The following ARFGAP3 variants were observed in gnomAD, a reference collection of about 807,000 sequenced individuals.
ARFGAP3 encodes ADP-ribosylation factor GTPase-activating protein 3.
A neutral mutation model predicts 75.0 loss-of-function variants in ARFGAP3; 72 were observed. The observed-to-expected ratio is 0.96, with a 90% CI of 0.79 to 1.17. ARFGAP3 has a LOEUF of 1.17. ARFGAP3 is among the 50% of genes most tolerant of loss of function. The pLI, the probability that ARFGAP3 is intolerant of heterozygous loss-of-function variation, is 0.00. For missense variants in ARFGAP3, 620 were observed against 626.6 expected (o/e 0.99, Z 0.11); for synonymous variants, 221 against 217.9 (o/e 1.01, Z -0.13).
At chr22:42,807,296 C>T in intron 13 of ARFGAP3, 133 bp from the exon 14 acceptor site, 1 of 1,443,970 alleles carries the variant, frequency 6.9e-7, no homozygotes, top group Non-Finnish European at 9.1e-7. Context: ...TACTGAATGC[C>T]ACTGCCAAGG....
rs780077788 is a variant in ARFGAP3 at position 42,810,909 on chromosome 22, G to C, written c.1100C>G (p.Ser367Cys). 2.5e-6 allele frequency: 4 copies of C among 1,614,070 alleles called. No individual in the cohort carries two copies. Among genetic ancestry groups the C allele is most frequent in the Non-Finnish European group, 3.4e-6 (4 of 1,180,032 alleles). ...FDEPVELRSS[S>C]FSSWDDSSDS... Reference sequence around the variant, plus strand: ...TGAACTGTCATCCCAGCTAGAGAAAGAACTGCTCCTTAACTCCACTGGCTC... The same window carrying C: ...TGAACTGTCATCCCAGCTAGAGAAACAACTGCTCCTTAACTCCACTGGCTC... The change falls in exon 12 of 16, where the codon TCT becomes TGT. Residue 367 changes from serine to cysteine, a missense_variant. Coordinates refer to ENST00000263245, the MANE Select transcript of ARFGAP3 (RefSeq NM_014570.5).
intron 11 of ARFGAP3, among the ~76,000 whole-genome samples, chr22:42,811,328 G>C (rs1925358804): frequency 6.6e-6 from 1 of 152,210 alleles, no homozygotes; most frequent in Admixed American, 6.5e-5. Context: ...TTCAGCCCTT[G>C]AGATCTGGGG....
intron 12 of ARFGAP3, 107 bp downstream of exon 12, chr22:42,810,706 G>T: frequency 1.1e-6 from 1 of 930,260 alleles, no homozygotes; most frequent in Non-Finnish European, 1.7e-6. Flanking sequence ...GGAATGAGCC[G>T]CCGTGCCCAG....
intron 7 of ARFGAP3, among the ~76,000 whole-genome samples, chr22:42,824,532 T>C (rs923240500): frequency 1.8e-4 from 27 of 150,940 alleles, no homozygotes; most frequent in Middle Eastern, 6.8e-3. Flanking sequence ...TTCTTTCTTT[T>C]TTTTTTTTTT....
intron 11 of ARFGAP3, among the ~76,000 whole-genome samples, chr22:42,814,706 C>T (rs987300529): frequency 3.9e-5 from 6 of 152,148 alleles, no homozygotes; most frequent in African/African-American, 1.4e-4. Context: ...CTTACCAACC[C>T]GGCTACCAAG....
At chr22:42,831,428 T>A (rs1288066358) in intron 6 of ARFGAP3, 121 bp downstream of exon 6, 13 of 962,044 alleles carry the variant, frequency 1.4e-5, no homozygotes, top group Non-Finnish European at 1.8e-5. Flanking sequence ...CGCCTCAGCC[T>A]CGCAAAGTGC....
chr22:42,812,681 G>A (rs1925420490), intron 11 of ARFGAP3, among the ~76,000 whole-genome samples: 1 of 152,180 alleles, frequency 6.6e-6, no homozygotes, highest in South Asian at 2.1e-4. Context: ...ACAAAAAAGG[G>A]ACAGAGGATA....
At position 42,831,341 on chromosome 22, in the gene ARFGAP3, GTT is replaced by G. The variant is rs150841532; in HGVS notation, c.565+206_565+207del. ...TACATTTTAATATTTTTAGGTTTCA[GTT>G]TTTTTTTTTTTTGATAGAGATGGGG... is the stretch of plus-strand genomic sequence containing the variant. On this transcript the variant is annotated intron_variant, in intron 6 of 15. Transcript: ENST00000263245. Among the ~76,000 whole-genome samples the G allele has an allele frequency of 6.7e-4, 94 of 140,900 alleles. No individual in the cohort carries two copies. In the Middle Eastern group the frequency reaches 0.011, roughly 16 times the overall value. The allele number at this position is 140,900 out of a possible 152,430, so 92.4% of individuals were successfully genotyped here.
intron 6 of ARFGAP3, among the ~76,000 whole-genome samples, chr22:42,828,156 C>T (rs1437454091): frequency 6.6e-6 from 1 of 151,992 alleles, no homozygotes; most frequent in Non-Finnish European, 1.5e-5. Context: ...GGTGTGGTGG[C>T]TCACGCCTGT....
rs1924652291 is a variant in ARFGAP3, at chr22:42,797,472, T to A, written c.*116A>T. 4 of 1,331,250 alleles carry A rather than the reference T, an allele frequency of 3.0e-6. No homozygotes were observed. The highest frequency in any genetic ancestry group is 4.3e-6 in the Non-Finnish European group (4 of 930,656). 82.5% of individuals were successfully genotyped at this position (1,331,250 alleles called of 1,614,324 possible). A position where few individuals can be genotyped will look rare whatever the true frequency, so the allele number is the denominator to read the frequency against. On this transcript the variant is annotated 3_prime_UTR_variant, in exon 16 of 16. Transcript: ENST00000263245. ...TTAAAAATCAGAAACATATACCATA[T>A]GAAAAAGTAGCAAAACAATCTGCAA... is the stretch of plus-strand genomic sequence containing the variant.
Position 42,834,152 on chromosome 22 carries a change from C to T in ARFGAP3, c.477+90G>A, listed in dbSNP as rs535885245. The stretch of plus-strand genomic sequence containing the variant: ...GTTTCAGCACTTCTTGTTACAAGAG[C>T]TTAGCCTACATCCTAACATTTTAAA... On this transcript the variant is annotated intron_variant, in intron 5 of 15. Transcript: ENST00000263245. 1.8e-4 allele frequency: 213 copies of T among 1,208,260 alleles called. 2 individuals are homozygous for T. In the South Asian group the frequency reaches 2.6e-3, roughly 15 times the overall value. The allele number at this position is 1,208,260 out of a possible 1,614,324, so 74.8% of individuals were successfully genotyped here.
intron 1 of ARFGAP3, among the ~76,000 whole-genome samples, chr22:42,852,139 C>G (rs1022132797): frequency 6.6e-6 from 1 of 151,624 alleles, no homozygotes; most frequent in Non-Finnish European, 1.5e-5. Flanking sequence ...ACTTCAACCT[C>G]TGCCTCCCGA....
intron 10 of ARFGAP3, 40 bp downstream of exon 10, chr22:42,817,689 C>G: frequency 6.7e-7 from 1 of 1,499,576 alleles, no homozygotes. Flanking sequence ...GATTGACACA[C>G]TGTTTTAAAT....
chr22:42,840,601 T>A (rs1033893557), intron 3 of ARFGAP3, among the ~76,000 whole-genome samples: 30 of 151,892 alleles, frequency 2.0e-4, no homozygotes, highest in East Asian at 5.8e-4. Flanking sequence ...TATTATTATT[T>A]TTTTTTTAGT....
intron 1 of ARFGAP3, among the ~76,000 whole-genome samples, chr22:42,848,190 C>A (rs1288267550): frequency 6.6e-6 from 1 of 151,440 alleles, no homozygotes; most frequent in Middle Eastern, 3.2e-3. Flanking sequence ...CAGTATATTA[C>A]AGATTATGTT....
At chr22:42,846,557 C>T (rs913132551) in intron 2 of ARFGAP3, among the ~76,000 whole-genome samples, 3 of 152,196 alleles carry the variant, frequency 2.0e-5, no homozygotes, top group Admixed American at 6.5e-5. Flanking sequence ...GGGGCCAATG[C>T]AGCCCAAGTC....
Position 42,797,290 on chromosome 22 carries a change from G to A in ARFGAP3, c.*298C>T, listed in dbSNP as rs574683696. The A allele has an allele frequency of 4.2e-5, 16 of 380,428 alleles. No homozygotes were observed. Among genetic ancestry groups the A allele is most frequent in the South Asian group, 3.2e-4 (10 of 30,914 alleles). The allele number at this position is 380,428 out of a possible 1,614,324, so 23.6% of individuals were successfully genotyped here. ...TCCTGGTTCAGGAGCAGGAGGAGCC[G>A]AGGTCTCCAGGCCCTCAGTGTTGAA... On this transcript the variant is annotated 3_prime_UTR_variant, in exon 16 of 16. Coordinates refer to ENST00000263245, the MANE Select transcript of ARFGAP3 (RefSeq NM_014570.5).
At chr22:42,811,573 C>T (rs1925369368) in intron 11 of ARFGAP3, among the ~76,000 whole-genome samples, 1 of 152,196 alleles carries the variant, frequency 6.6e-6, no homozygotes, top group Non-Finnish European at 1.5e-5. Flanking sequence ...GCTCATTAAC[C>T]TCCTCCTGGA....
Position 42,825,062 on chromosome 22 carries a change from A to C in ARFGAP3, c.626-1360T>G, listed in dbSNP as rs191141329. 1.5e-4 allele frequency among the ~76,000 whole-genome samples: 23 copies of C among 152,344 alleles called. No individual in the cohort carries two copies. The East Asian group carries it at 4.4e-3, about 29-fold the overall frequency. ...ACTTATTTGAAAATATAAAGTTCGC[A>C]GCCTGGACAACATAGGGAGACTCCA... On this transcript the variant is annotated intron_variant, in intron 7 of 15. Coordinates refer to ENST00000263245, the MANE Select transcript of ARFGAP3 (RefSeq NM_014570.5).
Sources: allele counts gnomAD v4.1 joint callset (sites outside exome capture counted in the v4.1 genomes callset), GRCh38; gene constraint gnomAD v4.1.1; transcripts MANE v1.5; gene names NCBI Gene and HGNC (gene_info 2026-07-23, HGNC 2026-07-21).